Variants in SUGCT observed in about 807,000 individuals in gnomAD.
The protein encoded by SUGCT is succinyl-CoA:glutarate-CoA transferase, also known as succinyl-CoA:glutarate CoA-transferase.
Under a neutral mutation model 55.0 loss-of-function variants are expected in SUGCT, and 41 were observed. The observed-to-expected ratio is 0.74, with a 90% CI of 0.58 to 0.97. SUGCT has a LOEUF of 0.97. SUGCT is among the 50% of genes least tolerant of loss of function. The pLI, the probability that SUGCT is intolerant of heterozygous loss-of-function variation, is 0.00. For synonymous variants in SUGCT, 187 were observed against 200.4 expected, an observed-to-expected ratio of 0.93 and a Z score of 0.56; for missense variants, 568 against 547.8, an observed-to-expected ratio of 1.04 and a Z score of -0.37.
At chr7:40,351,304 T>C (rs924154478) in intron 9 of SUGCT, among the ~76,000 whole-genome samples, 1 of 152,112 alleles carries the variant, frequency 6.6e-6, no homozygotes, top group Admixed American at 6.5e-5. Flanking sequence ...ACCTCTTTTA[T>C]TGTGTTTCTG....
chr7:40,549,680 A>G (rs1048817941), intron 12 of SUGCT, among the ~76,000 whole-genome samples: 1 of 152,218 alleles, frequency 6.6e-6, no homozygotes, highest in African/African-American at 2.4e-5. Context: ...GCCTTGAATG[A>G]TAAATATGAT....
intron 6 of SUGCT, among the ~76,000 whole-genome samples, chr7:40,205,640 C>CAAAAAAAAAAAAAAAA (rs67396482): frequency 1.3e-5 from 1 of 77,464 alleles, no homozygotes; most frequent in Non-Finnish European, 2.5e-5. Context: ...AACTTCATCT[C>CAAAAAAAAAAAAAAAA]AAAAAAAAAA....
At chr7:41,022,595 A>T in the SUGCT span, among the ~76,000 whole-genome samples, 1 of 152,204 alleles carries the variant, frequency 6.6e-6, no homozygotes, top group African/African-American at 2.4e-5. Flanking sequence ...GTATTTGAGA[A>T]GAGAATTAAA....
intron 6 of SUGCT, among the ~76,000 whole-genome samples, chr7:40,197,324 A>G (rs776152164): frequency 1.3e-5 from 2 of 152,248 alleles, no homozygotes; most frequent in Non-Finnish European, 2.9e-5. Flanking sequence ...CTTGTAATCT[A>G]ATGGAAATGT....
intron 12 of SUGCT, among the ~76,000 whole-genome samples, chr7:40,553,696 T>C (rs555260833): frequency 1.3e-5 from 2 of 152,282 alleles, no homozygotes; most frequent in South Asian, 4.1e-4. Flanking sequence ...GCTGCCACAT[T>C]ATGTGTGTGT....
the SUGCT span, among the ~76,000 whole-genome samples, chr7:40,867,318 C>CAT: frequency 0.23 from 34,660 of 148,964 alleles, 5,116 homozygotes; most frequent in Non-Finnish European, 0.34. Context: ...AATATTGGAG[C>CAT]ATATATATAT....
intron 12 of SUGCT, among the ~76,000 whole-genome samples, chr7:40,555,475 TG>T (rs1562858391): frequency 6.6e-6 from 1 of 152,072 alleles, no homozygotes; most frequent in African/African-American, 2.4e-5. Flanking sequence ...GCTGGGCTGG[TG>T]GGTCCCAGGT....
At chr7:40,676,894 C>CGTGT (rs3221667) in intron 12 of SUGCT, among the ~76,000 whole-genome samples, 13,429 of 143,920 alleles carry the variant, frequency 0.093, 629 homozygotes, top group Middle Eastern at 0.14. Flanking sequence ...TTCAGAATGA[C>CGTGT]GTGTGTGTGT....
chr7:40,406,126 G>C (rs1169504122), intron 9 of SUGCT, among the ~76,000 whole-genome samples: 3 of 152,132 alleles, frequency 2.0e-5, no homozygotes, highest in Non-Finnish European at 2.9e-5. Context: ...TTGGTTGAGT[G>C]GGGGATAAAA....
At position 40,439,061 on chromosome 7, in the gene SUGCT, G is replaced by GTGT. The variant is rs1554338574; in HGVS notation, c.817-10226_817-10225insTGT. Among the ~76,000 whole-genome samples the GTGT allele has an allele frequency of 8.1e-4, 42 of 51,862 alleles. 2 individuals are homozygous for GTGT. Among genetic ancestry groups the GTGT allele is most frequent in the African/African-American group, 4.4e-3 (37 of 8,424 alleles). 34.0% of individuals were successfully genotyped at this position (51,862 alleles called of 152,430 possible). On this transcript the variant is annotated intron_variant, in intron 9 of 13. Transcript: ENST00000335693. Reference sequence around the variant, plus strand: ...GTATATATATATATGGTATATATATGGTGTATATATATATATATATATATA... The same window carrying GTGT: ...GTATATATATATATGGTATATATATGTGTGTGTATATATATATATATATATATA...
At chr7:40,749,839 C>T (rs973619835) in intron 13 of SUGCT, among the ~76,000 whole-genome samples, 4 of 152,064 alleles carry the variant, frequency 2.6e-5, no homozygotes, top group East Asian at 3.9e-4. Flanking sequence ...AATAGAGTGT[C>T]GTTCATATGA....
intron 9 of SUGCT, among the ~76,000 whole-genome samples, chr7:40,326,761 A>G (rs1347580206): frequency 6.6e-6 from 1 of 152,322 alleles, no homozygotes; most frequent in East Asian, 1.9e-4. Flanking sequence ...ATAGATTCAT[A>G]CTTAACAAAA....
chr7:40,901,436 T>A, the SUGCT span, among the ~76,000 whole-genome samples: 1 of 152,350 alleles, frequency 6.6e-6, no homozygotes, highest in Non-Finnish European at 1.5e-5. Flanking sequence ...ACCTTTAATC[T>A]TATGAGTCTT....
chr7:41,007,823 CAAAAAA>C, the SUGCT span, among the ~76,000 whole-genome samples: 4 of 104,294 alleles, frequency 3.8e-5, no homozygotes, highest in Admixed American at 1.1e-4. Flanking sequence ...AACTGAAATC[CAAAAAA>C]AAAAAAAAAA....
At chr7:40,193,875 A>G (rs1444690401) in intron 5 of SUGCT, among the ~76,000 whole-genome samples, 6 of 152,178 alleles carry the variant, frequency 3.9e-5, no homozygotes, top group Admixed American at 3.9e-4. Context: ...TGCTGGGACT[A>G]TAGGTGTGAG....
intron 12 of SUGCT, among the ~76,000 whole-genome samples, chr7:40,641,905 A>G (rs1800286537): frequency 6.6e-6 from 1 of 152,130 alleles, no homozygotes; most frequent in African/African-American, 2.4e-5. Flanking sequence ...AGCCAGTTAT[A>G]CCACAAAACG....
At chr7:40,782,447 G>T (rs889191831) in intron 13 of SUGCT, 4 of 151,954 alleles carry the variant, frequency 2.6e-5, no homozygotes, top group Admixed American at 2.6e-4. Flanking sequence ...ATTATTATCT[G>T]TGGTCTATGA....
chr7:40,435,945 C>CTTTTCTTTTCTTTTT (rs745704083), intron 9 of SUGCT, among the ~76,000 whole-genome samples: 13 of 114,562 alleles, frequency 1.1e-4, no homozygotes, highest in East Asian at 2.8e-4. Context: ...CTTTTCTTTT[C>CTTTTCTTTTCTTTTT]TTTTTTTTTT....
At chr7:40,792,805 G>A (rs958273924) in intron 13 of SUGCT, among the ~76,000 whole-genome samples, 11 of 152,194 alleles carry the variant, frequency 7.2e-5, no homozygotes, top group Middle Eastern at 3.4e-3. Flanking sequence ...ATAAGAATCA[G>A]GTACTGGGCC....
Sources: gnomAD v4.1 joint callset for allele counts (sites outside exome capture counted in the v4.1 genomes callset) on GRCh38, gnomAD v4.1.1 for gene constraint, MANE v1.5 for transcripts, NCBI Gene and HGNC (gene_info 2026-07-23, HGNC 2026-07-21) for gene names.